Variants in MTA3 observed in about 807,000 individuals in gnomAD.
MTA3 encodes the protein metastasis-associated protein MTA3.
MTA3 carries 34 observed loss-of-function variants against 83.5 expected under a neutral mutation model. That is an observed-to-expected ratio of 0.41 (90% CI 0.31 to 0.54). MTA3 has a LOEUF of 0.54. MTA3 is among the 20% of genes least tolerant of loss of function. The pLI is 0.33. For synonymous variants in MTA3, 303 were observed against 252.7 expected, an observed-to-expected ratio of 1.20 and a Z score of -1.89; for missense variants, 761 against 726.4, an observed-to-expected ratio of 1.05 and a Z score of -0.55.
intron 16 of MTA3, among the ~76,000 whole-genome samples, chr2:42,739,259 C>T (rs1225577855): frequency 6.6e-6 from 1 of 152,098 alleles, no homozygotes; most frequent in African/African-American, 2.4e-5. Context: ...AGCCAGCCGA[C>T]ACTTAGGAAA....
intron 2 of MTA3, among the ~76,000 whole-genome samples, chr2:42,525,603 T>TTCC (rs368874061): frequency 6.3e-5 from 6 of 95,420 alleles, no homozygotes; most frequent in South Asian, 6.8e-4. Context: ...CCTTCCTTCC[T>TTCC]TTCCTTCCTT....
chr2:42,672,522 G>C (rs1690905967), intron 8 of MTA3, among the ~76,000 whole-genome samples: 1 of 151,350 alleles, frequency 6.6e-6, no homozygotes, highest in Admixed American at 6.6e-5. Flanking sequence ...GTGGGCGCCT[G>C]TAATCCCAGC....
intron 5 of MTA3, among the ~76,000 whole-genome samples, chr2:42,642,148 T>G (rs891051182): frequency 5.9e-5 from 9 of 152,216 alleles, no homozygotes; most frequent in African/African-American, 2.2e-4. Context: ...GAACCTTTTC[T>G]TCTTCTTTTT....
rs35633597 is a variant in MTA3 at position 42,664,466 on chromosome 2, C to CTT, written c.702+4631_702+4632dup. 6.1e-3 allele frequency among the ~76,000 whole-genome samples: 523 copies of CTT among 85,752 alleles called. 181 individuals carry two copies. The highest frequency in any genetic ancestry group is 0.021 in the African/African-American group (452 of 21,052). The allele number at this position is 85,752 out of a possible 152,430, so 56.3% of individuals were successfully genotyped here. A position where few individuals can be genotyped will look rare whatever the true frequency, so the allele number is the denominator to read the frequency against. On this transcript the variant is annotated intron_variant, in intron 8 of 16. Coordinates refer to ENST00000405094, the MANE Select transcript of MTA3 (RefSeq NM_001330442.2). Reference sequence around the variant, plus strand: ...CCTACTACCCCCTCACCCCGCTTACCTTTTTTTTTTTTTTTTTTTTTTTTT... The same window carrying CTT: ...CCTACTACCCCCTCACCCCGCTTACCTTTTTTTTTTTTTTTTTTTTTTTTTTT...
intron 16 of MTA3, among the ~76,000 whole-genome samples, chr2:42,743,349 A>G (rs757453038): frequency 1.6e-4 from 25 of 152,210 alleles, no homozygotes; most frequent in Non-Finnish European, 2.9e-4. Context: ...GATACAGACC[A>G]TCGTTTGGAG....
At chr2:42,533,535 T>TA (rs35301111) in intron 2 of MTA3, 9 of 147,442 alleles carry the variant, frequency 6.1e-5, no homozygotes, top group Non-Finnish European at 1.2e-4. Flanking sequence ...TTTTTTTTTT[T>TA]AGGAAAATAA....
chr2:42,602,777 G>C (rs913727400), intron 3 of MTA3, among the ~76,000 whole-genome samples: 1 of 152,138 alleles, frequency 6.6e-6, no homozygotes, highest in Non-Finnish European at 1.5e-5. Flanking sequence ...CCCTCAGTCA[G>C]ACCAAGCCCA....
intron 2 of MTA3, among the ~76,000 whole-genome samples, chr2:42,521,927 G>A (rs957216344): frequency 1.3e-5 from 2 of 151,862 alleles, no homozygotes; most frequent in African/African-American, 4.8e-5. Flanking sequence ...GCTAATTTTT[G>A]TATTTTTGTA....
intron 8 of MTA3, among the ~76,000 whole-genome samples, chr2:42,660,909 C>G (rs890207858): frequency 6.6e-6 from 1 of 152,146 alleles, no homozygotes; most frequent in African/African-American, 2.4e-5. Context: ...TTGAACTCCT[C>G]CTGGCTTTAA....
At position 42,517,116 on chromosome 2, in the gene MTA3, C is replaced by T. The variant is rs912747438; in HGVS notation, c.-141+21862C>T. On this transcript the variant is annotated intron_variant, in intron 2 of 17. Coordinates refer to the MTA3 transcript ENST00000405592. ...CTCTACTAAAAATACAAAAATAAAC[C>T]GGGTGTGGTGGTGCATGCCTGTAAT... 8.6e-5 allele frequency among the ~76,000 whole-genome samples: 13 copies of T among 151,902 alleles called. No homozygotes were observed. The South Asian group carries it at 1.3e-3, about 15-fold the overall frequency.
At chr2:42,723,959 G>A (rs973043344) in intron 16 of MTA3, among the ~76,000 whole-genome samples, 1 of 152,088 alleles carries the variant, frequency 6.6e-6, no homozygotes, top group African/African-American at 2.4e-5. Context: ...TGAGGGTGAG[G>A]AATTGAGTTT....
intron 2 of MTA3, among the ~76,000 whole-genome samples, chr2:42,574,253 G>A (rs1678801130): frequency 6.6e-6 from 1 of 150,894 alleles, no homozygotes; most frequent in African/African-American, 2.4e-5. Flanking sequence ...TCCTGCCTCA[G>A]CCTCCTGAGC....
At chr2:42,603,809 T>A (rs547855770) in intron 3 of MTA3, among the ~76,000 whole-genome samples, 1 of 152,102 alleles carries the variant, frequency 6.6e-6, no homozygotes, top group East Asian at 1.9e-4. Flanking sequence ...CCCAGGCTGG[T>A]GTGCAGTGAT....
At chr2:42,621,901 G>GGC (rs2104197165) in intron 4 of MTA3, among the ~76,000 whole-genome samples, 1 of 151,410 alleles carries the variant, frequency 6.6e-6, no homozygotes, top group African/African-American at 2.4e-5. Context: ...GACGGGAAGA[G>GGC]GCGCTCCTCA....
intron 2 of MTA3, among the ~76,000 whole-genome samples, chr2:42,537,912 C>T (rs867086028): frequency 3.3e-5 from 5 of 151,980 alleles, no homozygotes; most frequent in African/African-American, 7.2e-5. Context: ...ACCTGACTTC[C>T]GGGTAGTTCA....
chr2:42,698,848 CTG>C (rs1231585552), intron 11 of MTA3, among the ~76,000 whole-genome samples: 8 of 152,132 alleles, frequency 5.3e-5, no homozygotes, highest in Admixed American at 5.2e-4. Context: ...TTTACAGAGT[CTG>C]TAATTTTTAT....
chr2:42,690,481 A>G (rs2104456983), intron 9 of MTA3, among the ~76,000 whole-genome samples: 1 of 152,064 alleles, frequency 6.6e-6, no homozygotes, highest in African/African-American at 2.4e-5. Flanking sequence ...AGTGTGACTG[A>G]GTATGTTCTT....
intron 9 of MTA3, among the ~76,000 whole-genome samples, chr2:42,687,523 G>A (rs1307875225): frequency 6.6e-6 from 1 of 152,106 alleles, no homozygotes; most frequent in Non-Finnish European, 1.5e-5. Context: ...TAAACATTTT[G>A]CATGCTAGTT....
chr2:42,580,631 A>G (rs768343566), intron 3 of MTA3, among the ~76,000 whole-genome samples: 6 of 151,008 alleles, frequency 4.0e-5, no homozygotes, highest in Non-Finnish European at 7.4e-5. Context: ...CAGCCTCCCA[A>G]AGTGCTGGGA....
Sources: gnomAD v4.1 joint callset for allele counts (sites outside exome capture counted in the v4.1 genomes callset) on GRCh38, gnomAD v4.1.1 for gene constraint, MANE v1.5 for transcripts, NCBI Gene and HGNC (gene_info 2026-07-23, HGNC 2026-07-21) for gene names.